DMD: variants seen among roughly 807,000 people sequenced by gnomAD.
DMD encodes dystrophin, also known as mutant dystrophin.
DMD carries 63 observed loss-of-function variants against 330.1 expected under a neutral mutation model. That is an observed-to-expected ratio of 0.19 (90% confidence interval 0.16 to 0.24). The LOEUF is 0.24. Ranked by LOEUF, DMD falls within the 10% of genes least tolerant of loss-of-function variation. The pLI is 1.00. For missense variants in DMD, 3,344 were observed against 2,684.1 expected (o/e 1.25, Z -5.43); for synonymous variants, 1,223 against 959.8 (o/e 1.27, Z -5.07).
intron 1 of DMD, among the ~76,000 whole-genome samples, chrX:33,143,875 G>GT (rs1210863166): frequency 2.7e-5 from 3 of 111,099 alleles, no homozygotes; most frequent in African/African-American, 6.5e-5. Context: ...AAAAAATACA[G>GT]TTTTTTTTAA....
At chrX:33,026,064 A>G (rs918331971) in intron 1 of DMD, among the ~76,000 whole-genome samples, 6 of 110,009 alleles carry the variant, frequency 5.5e-5, no homozygotes, top group Admixed American at 9.7e-5. Context: ...AGCCGGGCGC[A>G]GTGGCTCACG....
intron 45 of DMD, among the ~76,000 whole-genome samples, chrX:31,952,671 C>T (rs1371923044): frequency 9.0e-6 from 1 of 111,264 alleles, no homozygotes; most frequent in Non-Finnish European, 1.9e-5. Flanking sequence ...ATAGTAGGAG[C>T]CTTTAAGTCT....
chrX:32,421,969 C>T (rs1003586371), intron 29 of DMD, among the ~76,000 whole-genome samples: 9 of 111,334 alleles, frequency 8.1e-5, no homozygotes, highest in Middle Eastern at 4.2e-3. Context: ...ATGCCCTTTC[C>T]GTGTCATCAA....
chrX:33,159,067 C>A (rs919498692), intron 1 of DMD: 5 of 111,684 alleles, frequency 4.5e-5, no homozygotes, highest in African/African-American at 1.6e-4. Context: ...TCACACCTAC[C>A]TTCCAATAAC....
chrX:32,688,445 T>G (rs371336221), intron 9 of DMD, among the ~76,000 whole-genome samples: 55 of 112,455 alleles, frequency 4.9e-4, no homozygotes, highest in African/African-American at 1.5e-3. Flanking sequence ...CATTATCATT[T>G]ATAAATATAA....
chrX:31,166,312 G>A (rs1176127210), intron 74 of DMD, among the ~76,000 whole-genome samples: 1 of 111,130 alleles, frequency 9.0e-6, no homozygotes, highest in Non-Finnish European at 1.9e-5. Flanking sequence ...GAGGTGTCAT[G>A]AATAAGAACA....
intron 55 of DMD, among the ~76,000 whole-genome samples, chrX:31,530,751 T>C (rs376188792): frequency 0.082 from 5,040 of 61,318 alleles, 292 homozygotes; most frequent in Non-Finnish European, 0.12. Flanking sequence ...TGTATACATG[T>C]GCCATGCTGG....
chrX:32,483,146 CATATATATAT>C (rs201134649), intron 21 of DMD, among the ~76,000 whole-genome samples: 3 of 39,267 alleles, frequency 7.6e-5, no homozygotes, highest in African/African-American at 1.9e-4. Flanking sequence ...TTTTTCATTC[CATATATATAT>C]ATATATATAC....
intron 1 of DMD, among the ~76,000 whole-genome samples, chrX:33,046,703 G>A (rs1434473149): frequency 8.9e-6 from 1 of 111,869 alleles, no homozygotes; most frequent in Non-Finnish European, 1.9e-5. Flanking sequence ...ATAACTTTTA[G>A]ATTGAGTAAA....
chrX:32,264,546 G>C (rs1246660952), intron 43 of DMD, among the ~76,000 whole-genome samples: 1 of 111,917 alleles, frequency 8.9e-6, no homozygotes, highest in African/African-American at 3.2e-5. Context: ...GAACTTCCTA[G>C]AGAATTGGAG....
chrX:31,135,167 A>C (rs374077010), intron 76 of DMD, among the ~76,000 whole-genome samples: 1 of 89,624 alleles, frequency 1.1e-5, no homozygotes, highest in African/African-American at 4.1e-5. Flanking sequence ...ATGTAATAAA[A>C]TAAGTATTAC....
Position 31,879,210 on chromosome X carries a change from G to GGT in DMD, c.6913-3838_6913-3837insAC, listed in dbSNP as rs1556965810. 4.3e-3 allele frequency among the ~76,000 whole-genome samples: 34 copies of GGT among 7,901 alleles called. 1 individual carries two copies. The Admixed American group carries it at 0.052, about 12-fold the overall frequency. The allele number at this position is 7,901 out of a possible 115,157, so 6.9% of individuals were successfully genotyped here. ...TAATGGACTCACCATTCTACATGGC[G>GGT]GGGGGGGGCCTCACAATCATGGCAG... On this transcript the variant is annotated intron_variant, in intron 47 of 78. Coordinates refer to ENST00000357033, the MANE Select transcript of DMD (RefSeq NM_004006.3).
At chrX:31,974,496 T>C (rs910427887) in intron 44 of DMD, among the ~76,000 whole-genome samples, 2 of 111,009 alleles carry the variant, frequency 1.8e-5, no homozygotes, top group African/African-American at 6.5e-5. Context: ...AGCCTCTTCT[T>C]TCTCCTGTTA....
chrX:33,260,929 C>T (rs752477434), intron 1 of DMD, among the ~76,000 whole-genome samples: 1 of 110,059 alleles, frequency 9.1e-6, no homozygotes, highest in Non-Finnish European at 1.9e-5. Flanking sequence ...GAAGTATGAT[C>T]AAAAATTACA....
chrX:32,082,950 T>C (rs2096404782), intron 44 of DMD, among the ~76,000 whole-genome samples: 1 of 111,395 alleles, frequency 9.0e-6, no homozygotes, highest in South Asian at 3.8e-4. Context: ...GGCGTGGGAG[T>C]CAATATTAGA....
At chrX:31,998,588 T>G (rs1017509217) in intron 44 of DMD, among the ~76,000 whole-genome samples, 1 of 111,747 alleles carries the variant, frequency 8.9e-6, no homozygotes, top group Non-Finnish European at 1.9e-5. Context: ...AAACAACACT[T>G]CAGTACCTCT....
At chrX:32,815,805 ATC>A (rs780496153) in intron 6 of DMD, among the ~76,000 whole-genome samples, 4 of 110,344 alleles carry the variant, frequency 3.6e-5, no homozygotes, top group Non-Finnish European at 7.6e-5. Context: ...TCCACAAAAG[ATC>A]TCTCTCTTGC....
intron 44 of DMD, among the ~76,000 whole-genome samples, chrX:32,213,481 C>T (rs371253637): frequency 3.2e-4 from 36 of 111,565 alleles, no homozygotes; most frequent in Non-Finnish European, 5.3e-4. Context: ...TGTGTGTGCA[C>T]GCTCATGTGT....
At chrX:33,151,997 A>G (rs1474988067) in intron 1 of DMD, among the ~76,000 whole-genome samples, 1 of 111,921 alleles carries the variant, frequency 8.9e-6, no homozygotes, top group Non-Finnish European at 1.9e-5. Flanking sequence ...TAGCAAAAAA[A>G]TTAAAATAGA....
Sources: gnomAD v4.1 joint callset for allele counts (sites outside exome capture counted in the v4.1 genomes callset) on GRCh38, gnomAD v4.1.1 for gene constraint, MANE v1.5 for transcripts, NCBI Gene and HGNC (gene_info 2026-07-23, HGNC 2026-07-21) for gene names.